Variants in CIAO3 observed in about 807,000 individuals in gnomAD.
CIAO3 encodes cytosolic iron-sulfur assembly component 3.
In CIAO3, 45 loss-of-function variants were observed where a neutral mutation model predicts 51.5. The observed-to-expected ratio is 0.87, with a 90% CI of 0.69 to 1.12. The LOEUF (loss-of-function observed/expected upper bound fraction) is 1.12, where lower values mean the gene tolerates loss of function less well. Ranked by LOEUF, CIAO3 falls within the 50% of genes most tolerant of loss-of-function variation. The pLI is 0.00. For missense variants in CIAO3, 668 were observed against 632.5 expected, an observed-to-expected ratio of 1.06 and a Z score of -0.60; for synonymous variants, 314 against 269.3, an observed-to-expected ratio of 1.17 and a Z score of -1.63.
At position 740,995 on chromosome 16, in the gene CIAO3, A is replaced by G. The variant is rs2041385387; in HGVS notation, c.-10T>C. ...TGAAGGGCGACGCCATGACGGCCGCACTGCCGCCGCGCGCAGGTGTCGCTA... is the reference window on the plus strand; with the variant it reads ...TGAAGGGCGACGCCATGACGGCCGCGCTGCCGCCGCGCGCAGGTGTCGCTA... On this transcript the variant is annotated 5_prime_UTR_variant, in exon 1 of 11. Transcript: ENST00000251588. 10 of 1,495,572 alleles carry G rather than the reference A, an allele frequency of 6.7e-6. No homozygotes were observed. Among genetic ancestry groups the G allele is most frequent in the Admixed American group, 2.1e-5 (1 of 47,648 alleles). 92.6% of individuals were successfully genotyped at this position (1,495,572 alleles called of 1,614,324 possible). A position where few individuals can be genotyped will look rare whatever the true frequency, so the allele number is the denominator to read the frequency against.
At position 730,284 on chromosome 16, in the gene CIAO3, C is replaced by T. The variant is rs2041258732; in HGVS notation, c.*133G>A. On this transcript the variant is annotated 3_prime_UTR_variant, in exon 11 of 11. Transcript: ENST00000251588. The stretch of plus-strand genomic sequence containing the variant: ...GAGGCGGCTGCGGGTCCTGGCTAGT[C>T]CTAGCTCCTACTCGGGTCCCAGCAC... 1 of 919,314 alleles carries T rather than the reference C, an allele frequency of 1.1e-6. No individual in the cohort carries two copies. Among genetic ancestry groups the T allele is most frequent in the Non-Finnish European group, 1.7e-6 (1 of 600,528 alleles). 56.9% of individuals were successfully genotyped at this position (919,314 alleles called of 1,614,324 possible).
At position 734,208 on chromosome 16, in the gene CIAO3, G is replaced by A. The variant is rs200210884; in HGVS notation, c.693+21C>T. 2,442 of 1,603,966 alleles carry A rather than the reference G, an allele frequency of 1.5e-3. 11 individuals are homozygous for A. The highest frequency in any genetic ancestry group is 1.3e-3 in the Non-Finnish European group (1,507 of 1,174,976). On this transcript the variant is annotated intron_variant, in intron 6 of 10. Coordinates refer to ENST00000251588, the MANE Select transcript of CIAO3 (RefSeq NM_022493.3). The stretch of plus-strand genomic sequence containing the variant: ...CTGGCCGCTCCCCAGCCTGAGTCTG[G>A]GGCTGGCCCAACGCCGTTACCTGCT...
In CIAO3 at chr16:739,736, C is replaced by G; in HGVS notation, c.69G>C (p.Glu23Asp). The G allele has an allele frequency of 1.9e-6, 3 of 1,613,738 alleles. No individual in the cohort carries two copies. Among genetic ancestry groups the G allele is most frequent in the Non-Finnish European group, 2.5e-6 (3 of 1,179,790 alleles). Residue 23 changes from glutamate (E) to aspartate (D), a missense_variant and splice_region_variant, in exon 2 of 11, where the codon GAG (glutamate) becomes GAC (aspartate). By Grantham distance (45) the Glu-to-Asp change is conservative (BLOSUM62 2). Coordinates refer to ENST00000251588, the MANE Select transcript of CIAO3 (RefSeq NM_022493.3). ...DLDDFIGPSQ[E>D]CIKPVKVEKR... Reference sequence around the variant, plus strand: ...TTTCCACTTTGACAGGCTTGATGCACTCCTAGAGCAGGAAGAGACCCCAAA... The same window carrying G: ...TTTCCACTTTGACAGGCTTGATGCAGTCCTAGAGCAGGAAGAGACCCCAAA...
Position 735,910 on chromosome 16 carries a change from C to T in CIAO3, c.439+356G>A, listed in dbSNP as rs540453815. 2.7e-4 allele frequency among the ~76,000 whole-genome samples: 41 copies of T among 152,308 alleles called. No individual in the cohort carries two copies. In the South Asian group the frequency reaches 5.8e-3, roughly 22 times the overall value. ...TGGGGGCTCTCAAGACACCCAGATCCTCCCCAAGCCCAGCTCCAGGCACAT... is the reference window on the plus strand; with the variant it reads ...TGGGGGCTCTCAAGACACCCAGATCTTCCCCAAGCCCAGCTCCAGGCACAT... On this transcript the variant is annotated intron_variant, in intron 4 of 10. Transcript: ENST00000251588.
At chr16:733,947 G>C (rs1014285103) in intron 6 of CIAO3, 1 of 447,708 alleles carries the variant, frequency 2.2e-6, no homozygotes, top group African/African-American at 2.0e-5. Flanking sequence ...CCTGGTGGCC[G>C]GAGGGGTGGG....
chr16:740,778 G>T, intron 1 of CIAO3, 142 bp downstream of exon 1: 2 of 804,890 alleles, frequency 2.5e-6, no homozygotes, highest in Non-Finnish European at 3.8e-6. Context: ...CGCCCGGGTC[G>T]ATAGAGTCCC....
chr16:732,399 C>T (rs1484117377), intron 7 of CIAO3, 26 bp from the exon 8 acceptor site: 1 of 1,611,674 alleles, frequency 6.2e-7, no homozygotes, highest in Admixed American at 1.7e-5. Flanking sequence ...AGCGCAGACA[C>T]TCTTTAGCGG....
intron 9 of CIAO3, 182 bp downstream of exon 9, chr16:731,383 G>A: frequency 1.2e-6 from 1 of 815,084 alleles, no homozygotes; most frequent in Non-Finnish European, 1.8e-6. Context: ...GGAGTGCTTA[G>A]GTGCCTTCAC....
Position 730,510 on chromosome 16 carries a change from C to T in CIAO3, c.1338G>A (p.Leu446=), listed in dbSNP as rs34851515. Residue 446 remains leucine, a synonymous_variant, in exon 11 of 11, where the codon CTG becomes CTA. Transcript: ENST00000251588. ...CTGCACACTCCGAGTCCGTGCCCTG[C>T]AGCCAGTGTGTGTACAGCTCCTGAA... ...PGVQELYTHW[L]QGTDSECAGR... is the part of the protein sequence containing the mutation. 4,384 of 1,610,492 alleles carry T rather than the reference C, an allele frequency of 2.7e-3. 104 individuals are homozygous for T. In the African/African-American group the frequency reaches 0.052, roughly 19 times the overall value.
rs1479955036 is a variant in CIAO3 at position 730,506 on chromosome 16, C to T, written c.1342G>A (p.Gly448Ser). The T allele has an allele frequency of 1.2e-6, 2 of 1,610,390 alleles. No individual in the cohort carries two copies. Among genetic ancestry groups the T allele is most frequent in the Non-Finnish European group, 1.7e-6 (2 of 1,179,988 alleles). ...VQELYTHWLQGTDSECAGRLL... is the reference protein window; with the variant it reads ...VQELYTHWLQSTDSECAGRLL... ...CGACCTGCACACTCCGAGTCCGTGC[C>T]CTGCAGCCAGTGTGTGTACAGCTCC... Residue 448 changes from glycine to serine, a missense_variant, in exon 11 of 11, where the codon GGC (glycine) becomes AGC (serine). Physicochemically the swap from Gly to Ser is moderately conservative, Grantham distance 56. Coordinates refer to ENST00000251588, the MANE Select transcript of CIAO3 (RefSeq NM_022493.3).
intron 8 of CIAO3, 158 bp from the exon 9 acceptor site, chr16:731,860 G>T: frequency 1.0e-6 from 1 of 1,000,492 alleles, no homozygotes; most frequent in Non-Finnish European, 1.4e-6. Flanking sequence ...CATCACAGGG[G>T]CCCAGCCACT....
chr16:740,512 A>G, intron 1 of CIAO3: 1 of 302,704 alleles, frequency 3.3e-6, no homozygotes, highest in Non-Finnish European at 6.3e-6. Context: ...TGCGCAGGGG[A>G]AGGGGAAGAG....
intron 1 of CIAO3, chr16:740,542 C>T: frequency 3.1e-6 from 1 of 324,446 alleles, no homozygotes. Context: ...CGGGCCCCGC[C>T]GCCCTCCAGC....
chr16:737,645 C>T lies in CIAO3; in HGVS notation c.163-316G>A. ...ATGGGGCCCTGGACGGGGTGCTGGC[C>T]CCGGTGCACACTCACAGGGCTGTAG... On this transcript the variant is annotated intron_variant, in intron 2 of 10. Transcript: ENST00000251588. This position sits in a 1 kb window ranked among gnomAD's most constrained non-coding sequence, Gnocchi z 5.3. The T allele has an allele frequency of 2.2e-6, 3 of 1,351,606 alleles. No homozygotes were observed. The highest frequency in any genetic ancestry group is 2.9e-6 in the Non-Finnish European group (3 of 1,030,228). The allele number at this position is 1,351,606 out of a possible 1,614,324, so 83.7% of individuals were successfully genotyped here.
In CIAO3 at chr16:740,934, T is replaced by G. The variant is rs771893582; in HGVS notation, c.52A>C (p.Ile18Leu). The change falls in exon 1 of 11, where the codon ATC becomes CTC. Residue 18 changes from isoleucine (I) to leucine (L), a missense_variant. By Grantham distance (5) the Ile-to-Leu change is conservative (BLOSUM62 2). Transcript: ENST00000251588. ...ALQLTDLDDFIGPSQECIKPV... is the reference protein window; with the variant it reads ...ALQLTDLDDFLGPSQECIKPV... ...GGCCGGCCCACCTGAGACGGCCCGA[T>G]GAAGTCATCCAGGTCCGTCAGCTGC... 4.6e-6 allele frequency: 7 copies of G among 1,528,214 alleles called. No homozygotes were observed. Among genetic ancestry groups the G allele is most frequent in the Non-Finnish European group, 6.1e-6 (7 of 1,142,536 alleles). The allele number at this position is 1,528,214 out of a possible 1,614,324, so 94.7% of individuals were successfully genotyped here.
rs1596670185 is a variant in CIAO3 at position 731,925 on chromosome 16, G to T, written c.897-223C>A. ...GCTCTGTCGCCCAGGCTGGAGTGCA[G>T]TGGCGTGATCTTGGCTCACTGCAAG... On this transcript the variant is annotated intron_variant, in intron 8 of 10. Transcript: ENST00000251588. 1.0e-5 allele frequency: 6 copies of T among 597,002 alleles called. No individual in the cohort carries two copies. The East Asian group carries it at 1.9e-4, about 19-fold the overall frequency. 37.0% of individuals were successfully genotyped at this position (597,002 alleles called of 1,614,324 possible). A position where few individuals can be genotyped will look rare whatever the true frequency, so the allele number is the denominator to read the frequency against.
Position 730,106 on chromosome 16 carries a change from C to T in CIAO3, c.*311G>A, listed in dbSNP as rs1425583803. ...TGAAGCCCCTCACGCACTTGGGTGCCCGACCAGCAGCAGCAAGGGCAGCAC... is the reference window on the plus strand; with the variant it reads ...TGAAGCCCCTCACGCACTTGGGTGCTCGACCAGCAGCAGCAAGGGCAGCAC... On this transcript the variant is annotated 3_prime_UTR_variant, in exon 11 of 11. Coordinates refer to ENST00000251588, the MANE Select transcript of CIAO3 (RefSeq NM_022493.3). 6.1e-6 allele frequency: 3 copies of T among 489,536 alleles called. No individual in the cohort carries two copies. Among genetic ancestry groups the T allele is most frequent in the South Asian group, 2.4e-5 (1 of 41,898 alleles). The allele number at this position is 489,536 out of a possible 1,614,324, so 30.3% of individuals were successfully genotyped here.
rs201356656 is a variant in CIAO3, at chr16:730,425, G to A, written c.1423C>T (p.Arg475Trp). 92 of 1,601,756 alleles carry A rather than the reference G, an allele frequency of 5.7e-5. 1 individual carries two copies. Among genetic ancestry groups the A allele is most frequent in the Admixed American group, 3.0e-4 (18 of 59,992 alleles). The change falls in exon 11 of 11, where the codon CGG (arginine) becomes TGG (tryptophan). Residue 475 changes from arginine to tryptophan, a missense_variant. Transcript: ENST00000251588. Reference protein sequence around the residue: ...VEKASTGLGIRW With the variant: ...VEKASTGLGIWW ...TCCTGGTCCTGCAGCCCCTACCACC[G>A]GATGCCCAGGCCAGTGCTGGCCTTC...
intron 10 of CIAO3, 66 bp downstream of exon 10, chr16:730,777 G>C: frequency 6.3e-7 from 1 of 1,591,852 alleles, no homozygotes; most frequent in Non-Finnish European, 8.6e-7. Flanking sequence ...TCCCAGCCTG[G>C]TGGATGGTGG....
Sources: allele counts gnomAD v4.1 joint callset (sites outside exome capture counted in the v4.1 genomes callset), GRCh38; gene constraint gnomAD v4.1.1; non-coding constraint Gnocchi (gnomAD v3.1); transcripts MANE v1.5; gene names NCBI Gene and HGNC (gene_info 2026-07-23, HGNC 2026-07-21).